The following BAG6 variants were observed in gnomAD, a reference collection of about 807,000 sequenced individuals.
The protein encoded by BAG6 is BAG cochaperone 6.
BAG6 carries 22 observed loss-of-function variants against 121.0 expected under a neutral mutation model. The ratio of observed to expected loss-of-function variants is 0.18; its 90% CI spans 0.13 to 0.26. The LOEUF (loss-of-function observed/expected upper bound fraction) is 0.26. Among genes scored for constraint, BAG6 ranks in the 10% least tolerant of loss-of-function variants. BAG6 has a pLI of 1.00. For synonymous variants in BAG6, 583 were observed against 584.6 expected (o/e 1.00, Z 0.04); for missense variants, 1,233 against 1,537.7 (o/e 0.80, Z 3.31).
intron 6 of BAG6, among the ~76,000 whole-genome samples, chr6:31,648,048 C>T (rs1791881444): frequency 6.7e-6 from 1 of 150,012 alleles, no homozygotes; most frequent in South Asian, 2.1e-4. Context: ...CAGAGTCTCG[C>T]TCTGTTGCCC....
Position 31,649,228 on chromosome 6 carries a change from A to T in BAG6, c.394T>A (p.Tyr132Asn). 6.2e-7 allele frequency: 1 copy of T among 1,613,050 alleles called. No homozygotes were observed. Among genetic ancestry groups the T allele is most frequent in the Non-Finnish European group, 8.5e-7 (1 of 1,180,028 alleles). ...ASVHDRNANSYVMVGTFNLPS... is the reference protein window; with the variant it reads ...ASVHDRNANSNVMVGTFNLPS... Reference sequence around the variant, plus strand: ...AGATTGAAGGTTCCAACCATGACATAGCTGTTGGCATTCCGGTCATGAACA... The same window carrying T: ...AGATTGAAGGTTCCAACCATGACATTGCTGTTGGCATTCCGGTCATGAACA... Residue 132 changes from tyrosine to asparagine, a missense_variant, in exon 4 of 26, where the codon TAT becomes AAT. Transcript: ENST00000676615.
At chr6:31,647,296 G>A (rs915825097) in intron 7 of BAG6, among the ~76,000 whole-genome samples, 2 of 152,176 alleles carry the variant, frequency 1.3e-5, no homozygotes, top group African/African-American at 4.8e-5. Flanking sequence ...ACCTACAATG[G>A]TGAAAGACTA....
In BAG6 at chr6:31,645,107, T is replaced by C. The variant is rs1361820767; in HGVS notation, c.1208A>G (p.Gln403Arg). The C allele has an allele frequency of 6.2e-7, 1 of 1,612,952 alleles. No homozygotes were observed. The highest frequency in any genetic ancestry group is 1.7e-4 in the Middle Eastern group (1 of 6,060). ...NAEAPPPGPG[Q>R]ASSVAPSSTN... ...AGAAGACGGAGCCACGGATGAGGCCTGCCCAGGACCAGGGGGAGGTGCCTC... is the reference window on the plus strand; with the variant it reads ...AGAAGACGGAGCCACGGATGAGGCCCGCCCAGGACCAGGGGGAGGTGCCTC... The change falls in exon 10 of 26, where the codon CAG becomes CGG. Residue 403 changes from glutamine to arginine, a missense_variant. Gln to Arg is a conservative substitution (Grantham distance 43). Around this residue, in one of 7 missense-constraint regions of BAG6, gnomAD observed 777 missense variants for 861.4 expected, o/e 0.90. Coordinates refer to ENST00000676615, the MANE Select transcript of BAG6 (RefSeq NM_001387994.1).
rs753043642 is a variant in BAG6 at position 31,641,991 on chromosome 6, C to T, written c.2336-46G>A. 1.2e-6 allele frequency: 2 copies of T among 1,605,562 alleles called. No homozygotes were observed. Among genetic ancestry groups the T allele is most frequent in the Non-Finnish European group, 1.7e-6 (2 of 1,175,100 alleles). On this transcript the variant is annotated intron_variant, in intron 16 of 25. Coordinates refer to ENST00000676615, the MANE Select transcript of BAG6 (RefSeq NM_001387994.1). This position sits in a 1 kb window ranked among gnomAD's most constrained non-coding sequence, Gnocchi z 5.7. ...TTAGCAATGGCCTTTACCACCTGGC[C>T]TGCCCACCCACAACCAGATCATCAA...
chr6:31,644,796 C>T lies in BAG6; in HGVS notation c.1369+150G>A. ...CAAAGACAAACCAACCCCCACACCC[C>T]CCACATCTGTCTACTTAAGCTTCTG... On this transcript the variant is annotated intron_variant, in intron 10 of 25. Coordinates refer to ENST00000676615, the MANE Select transcript of BAG6 (RefSeq NM_001387994.1). This position sits in a 1 kb window ranked among gnomAD's most constrained non-coding sequence, Gnocchi z 4.9. 3 of 1,362,480 alleles carry T rather than the reference C, an allele frequency of 2.2e-6. No homozygotes were observed. Among genetic ancestry groups the T allele is most frequent in the Non-Finnish European group, 3.0e-6 (3 of 985,624 alleles). 84.4% of individuals were successfully genotyped at this position (1,362,480 alleles called of 1,614,324 possible).
At chr6:31,650,818 C>T (rs1795749630) in intron 2 of BAG6, among the ~76,000 whole-genome samples, 1 of 152,134 alleles carries the variant, frequency 6.6e-6, no homozygotes, top group Admixed American at 6.6e-5. Flanking sequence ...CCATGGACCA[C>T]CCCACATGCA....
Position 31,639,445 on chromosome 6 carries a change from G to T in BAG6, c.3393+55C>A, listed in dbSNP as rs901098443. ...TCGCTGAAGGGATCCAGGGAAGAGG[G>T]ACCCTAGCCCAACCCCTCCCACTAG... On this transcript the variant is annotated intron_variant, in intron 25 of 25. Transcript: ENST00000676615. 9 of 1,573,080 alleles carry T rather than the reference G, an allele frequency of 5.7e-6. No individual in the cohort carries two copies. In the African/African-American group the frequency reaches 9.5e-5, roughly 17 times the overall value.
Position 31,649,131 on chromosome 6 carries a change from T to C in BAG6, c.423+68A>G, listed in dbSNP as rs1793508558. 11 of 1,584,172 alleles carry C rather than the reference T, an allele frequency of 6.9e-6. No homozygotes were observed. The South Asian group carries it at 1.1e-4, about 16-fold the overall frequency. On this transcript the variant is annotated intron_variant, in intron 4 of 25. Coordinates refer to ENST00000676615, the MANE Select transcript of BAG6 (RefSeq NM_001387994.1). ...TCTAAAGATGGAAGCATCTATCTTATTAATTCCCTGGTGCTACCACAACCA... is the reference window on the plus strand; with the variant it reads ...TCTAAAGATGGAAGCATCTATCTTACTAATTCCCTGGTGCTACCACAACCA...
In BAG6 at chr6:31,652,308, A is replaced by C. The variant is rs371365173; in HGVS notation, c.-14+116T>G. 1.3e-4 allele frequency: 18 copies of C among 138,278 alleles called. No homozygotes were observed. In the East Asian group the frequency reaches 2.1e-3, roughly 16 times the overall value. The allele number at this position is 138,278 out of a possible 1,614,324, so 8.6% of individuals were successfully genotyped here. A position where few individuals can be genotyped will look rare whatever the true frequency, so the allele number is the denominator to read the frequency against. The stretch of plus-strand genomic sequence containing the variant: ...GGTGTTCCAGCAGAACGGCACAACT[A>C]ACCCACAGCCAAACACACACACACA... On this transcript the variant is annotated intron_variant, in intron 1 of 25. Coordinates refer to ENST00000676615, the MANE Select transcript of BAG6 (RefSeq NM_001387994.1).
In BAG6 at chr6:31,649,504, C is replaced by G. The variant is rs745670659; in HGVS notation, c.226+6G>C. On this transcript the variant is annotated splice_donor_region_variant and intron_variant, in intron 3 of 25. Transcript: ENST00000676615. Reference sequence around the variant, plus strand: ...AACCTCTGAACTGCCTCCCCAGCCCCCTTACTGTATTCCTGAAGCTTCTTA... The same window carrying G: ...AACCTCTGAACTGCCTCCCCAGCCCGCTTACTGTATTCCTGAAGCTTCTTA... The G allele has an allele frequency of 6.8e-6, 11 of 1,613,996 alleles. No homozygotes were observed. The highest frequency in any genetic ancestry group is 1.1e-5 in the South Asian group (1 of 91,086).
chr6:31,649,523 C>T lies in BAG6; in HGVS notation c.213G>A (p.Lys71=). The T allele has an allele frequency of 6.2e-7, 1 of 1,614,216 alleles. No individual in the cohort carries two copies. The highest frequency in any genetic ancestry group is 8.5e-7 in the Non-Finnish European group (1 of 1,180,034). ...CAGCCCCCTTACTGTATTCCTGAAG[C>T]TTCTTATCATCTTGCAGAACTCGTC... The part of the protein sequence containing the change: ...YQGRVLQDDK[K]LQEYNVGGKV... The change falls in exon 3 of 26, where the codon AAG becomes AAA. Residue 71 remains lysine (K), a synonymous_variant. Coordinates refer to ENST00000676615, the MANE Select transcript of BAG6 (RefSeq NM_001387994.1).
intron 2 of BAG6, among the ~76,000 whole-genome samples, chr6:31,650,056 G>A (rs539417322): frequency 2.0e-5 from 3 of 152,078 alleles, no homozygotes; most frequent in East Asian, 1.9e-4. Flanking sequence ...AGCCGAGATC[G>A]CATCACTACA....
rs1160094833 is a variant in BAG6 at position 31,646,382 on chromosome 6, C to T, written c.918+12G>A. On this transcript the variant is annotated intron_variant, in intron 8 of 25. Transcript: ENST00000676615. ...GGCTGAGGAGAAAGGGCAGGGCCAT[C>T]AAAGGGCTCACATTGTTATTGTAGT... 1.2e-6 allele frequency: 2 copies of T among 1,611,424 alleles called. No individual in the cohort carries two copies. The highest frequency in any genetic ancestry group is 2.7e-5 in the African/African-American group (2 of 74,856).
At position 31,640,507 on chromosome 6, in the gene BAG6, G is replaced by A. The variant is rs770643352; in HGVS notation, c.3016C>T (p.Pro1006Ser). 2 of 1,612,972 alleles carry A rather than the reference G, an allele frequency of 1.2e-6. No homozygotes were observed. Among genetic ancestry groups the A allele is most frequent in the South Asian group, 1.1e-5 (1 of 91,078 alleles). Residue 1006 changes from proline (P) to serine (S), a missense_variant, in exon 23 of 26, where the codon CCT becomes TCT. Transcript: ENST00000676615. The surrounding 1 kb of genome is among the most constrained non-coding windows in gnomAD (Gnocchi z 4.2). ...ATGGCCTCTTCTGCTGTTGTTCCAGGGGCTGGGGAAGCATTCTCCCGCTGG... is the reference window on the plus strand; with the variant it reads ...ATGGCCTCTTCTGCTGTTGTTCCAGAGGCTGGGGAAGCATTCTCCCGCTGG... ...EPQRENASPAPGTTAEEAMSR... is the reference protein window; with the variant it reads ...EPQRENASPASGTTAEEAMSR...
chr6:31,642,799 G>A, intron 15 of BAG6, 30 bp downstream of exon 15: 4 of 1,604,888 alleles, frequency 2.5e-6, no homozygotes, highest in South Asian at 1.1e-5. Flanking sequence ...GGGACAGGAA[G>A]ATGAGGTGAA....
At position 31,642,324 on chromosome 6, in the gene BAG6, G is replaced by C; in HGVS notation, c.2123C>G (p.Pro708Arg). The change falls in exon 16 of 26, where the codon CCA becomes CGA. Residue 708 changes from proline (P) to arginine (R), a missense_variant. Around this residue, in one of 7 missense-constraint regions of BAG6, gnomAD observed 777 missense variants for 861.4 expected, o/e 0.90. Transcript: ENST00000676615. The part of the protein sequence containing the change: ...PAPEQQTMPP[P>R]GSPSGGAGSP... The stretch of plus-strand genomic sequence containing the variant: ...CCCTGCGCCACCAGAAGGGGAGCCT[G>C]GTGGGGGCATGGTCTGCTGCTCTGG... The C allele has an allele frequency of 6.4e-7, 1 of 1,557,158 alleles. No homozygotes were observed.
At chr6:31,642,455 A>G (rs1215066890) in intron 15 of BAG6, 52 bp from the exon 16 acceptor site, 1 of 838,060 alleles carries the variant, frequency 1.2e-6, no homozygotes, top group East Asian at 2.7e-5. Flanking sequence ...GAATGAAGAC[A>G]CACGGAAATA....
In BAG6 at chr6:31,645,431, G is replaced by A. The variant is rs758991596; in HGVS notation, c.1092C>T (p.Leu364=). 6.2e-7 allele frequency: 1 copy of A among 1,613,078 alleles called. No individual in the cohort carries two copies. The highest frequency in any genetic ancestry group is 8.5e-7 in the Non-Finnish European group (1 of 1,180,036). ...CCTGTATGGGAATGGCTGCCTGCTG[G>A]AGCACCATGGGGGTGGTGTAGTGAG... is the stretch of plus-strand genomic sequence containing the variant. The part of the protein sequence containing the change: ...PMSHYTTPMV[L]QQAAIPIQIN... Residue 364 remains leucine, a synonymous_variant, in exon 9 of 26, where the codon CTC becomes CTT. Transcript: ENST00000676615.
chr6:31,641,646 C>G lies in BAG6; in HGVS notation c.2506-54G>C, dbSNP rs374834910. Reference sequence around the variant, plus strand: ...CAAAGCCTCAGTCCTCCCAAGACTTCCACCTCGACCCCAACAAGTCCAGGG... The same window carrying G: ...CAAAGCCTCAGTCCTCCCAAGACTTGCACCTCGACCCCAACAAGTCCAGGG... On this transcript the variant is annotated intron_variant, in intron 17 of 25. Transcript: ENST00000676615. This position sits in a 1 kb window ranked among gnomAD's most constrained non-coding sequence, Gnocchi z 5.7. 33 of 1,612,942 alleles carry G rather than the reference C, an allele frequency of 2.0e-5. No homozygotes were observed. The African/African-American group carries it at 4.4e-4, about 22-fold the overall frequency.
Sources: allele counts gnomAD v4.1 joint callset (sites outside exome capture counted in the v4.1 genomes callset), GRCh38; gene constraint gnomAD v4.1.1; regional missense constraint gnomAD v4.1.1; non-coding constraint Gnocchi (gnomAD v3.1); transcripts MANE v1.5; gene names NCBI Gene and HGNC (gene_info 2026-07-23, HGNC 2026-07-21).